The following SCN9A variants were observed in gnomAD, a reference collection of about 807,000 sequenced individuals.
SCN9A encodes the protein sodium voltage-gated channel alpha subunit 9.
Under a neutral mutation model 187.0 loss-of-function variants are expected in SCN9A, and 131 were observed. That is an observed-to-expected ratio of 0.70 (90% CI 0.61 to 0.81). The LOEUF (loss-of-function observed/expected upper bound fraction) is 0.81, where lower values mean the gene tolerates loss of function less well. SCN9A is among the 30% of genes least tolerant of loss of function. The pLI, the probability that SCN9A is intolerant of heterozygous loss-of-function variation, is 0.00. For synonymous variants in SCN9A, 809 were observed against 808.6 expected (o/e 1.00, Z -0.01); for missense variants, 2,252 against 2,396.6 (o/e 0.94, Z 1.26).
chr2:166,322,501 C>T (rs1455624967), intron 1 of SCN9A, among the ~76,000 whole-genome samples: 2 of 152,102 alleles, frequency 1.3e-5, no homozygotes, highest in African/African-American at 2.4e-5. Flanking sequence ...AATCATGCTC[C>T]GAAGAGTGGT....
intron 1 of SCN9A, among the ~76,000 whole-genome samples, chr2:166,366,813 C>G (rs920785762): frequency 1.1e-4 from 17 of 152,124 alleles, no homozygotes; most frequent in African/African-American, 3.9e-4. Context: ...CCAAATTTCC[C>G]ATGGTTTTTA....
At chr2:166,326,929 A>G (rs565682322) in intron 1 of SCN9A, among the ~76,000 whole-genome samples, 6 of 152,292 alleles carry the variant, frequency 3.9e-5, no homozygotes, top group African/African-American at 1.4e-4. Context: ...TCTTGACTTC[A>G]GGCTGAAGAC....
chr2:166,293,049 T>A (rs1439727920), intron 9 of SCN9A, among the ~76,000 whole-genome samples, 182 bp downstream of exon 9: 1 of 152,112 alleles, frequency 6.6e-6, no homozygotes, highest in Non-Finnish European at 1.5e-5. Context: ...AGAAAATTAT[T>A]TATGATTCGA....
At chr2:166,300,225 C>T (rs980289000) in intron 7 of SCN9A, among the ~76,000 whole-genome samples, 1 of 150,774 alleles carries the variant, frequency 6.6e-6, no homozygotes, top group Admixed American at 6.6e-5. Flanking sequence ...ATTTTTTCTG[C>T]TACTTTCTCT....
At chr2:166,204,582 T>C (rs1281872205) in intron 24 of SCN9A, 118 bp from the exon 25 acceptor site, 6 of 557,280 alleles carry the variant, frequency 1.1e-5, no homozygotes, top group Non-Finnish European at 1.8e-5. Context: ...TATTTTATTA[T>C]GTTCATGATA....
chr2:166,360,394 ACTT>A (rs912085181), intron 1 of SCN9A, among the ~76,000 whole-genome samples: 17 of 152,204 alleles, frequency 1.1e-4, no homozygotes, highest in Non-Finnish European at 2.5e-4. Context: ...GACAGAAAAT[ACTT>A]CTTAGTTCAC....
At chr2:166,263,932 T>C (rs1376009494) in intron 17 of SCN9A, among the ~76,000 whole-genome samples, 2 of 152,074 alleles carry the variant, frequency 1.3e-5, no homozygotes, top group African/African-American at 4.8e-5. Flanking sequence ...ATGGCCTTGC[T>C]CAGACCTTGA....
chr2:166,281,008 A>C (rs1433543683), intron 13 of SCN9A, among the ~76,000 whole-genome samples: 1 of 152,220 alleles, frequency 6.6e-6, no homozygotes, highest in East Asian at 1.9e-4. Flanking sequence ...CTCTTGCTGT[A>C]ATAGTTCACA....
intron 1 of SCN9A, among the ~76,000 whole-genome samples, chr2:166,356,403 C>G (rs1258971886): frequency 6.6e-6 from 1 of 152,084 alleles, no homozygotes; most frequent in Non-Finnish European, 1.5e-5. Flanking sequence ...TGATTATCAT[C>G]CTAAGCATCA....
At chr2:166,225,588 A>G (rs576320032) in intron 24 of SCN9A, among the ~76,000 whole-genome samples, 1 of 152,262 alleles carries the variant, frequency 6.6e-6, no homozygotes, top group South Asian at 2.1e-4. Flanking sequence ...TTTGTGATTG[A>G]TGTTATGGGT....
chr2:166,281,768 GA>G lies in SCN9A; in HGVS notation c.2014del (p.Ser672ProfsTer9). 1 of 1,612,964 alleles carries G rather than the reference GA, an allele frequency of 6.2e-7. No homozygotes were observed. Among genetic ancestry groups the G allele is most frequent in the Non-Finnish European group, 8.5e-7 (1 of 1,179,380 alleles). Reference protein sequence around the residue: ...NQIHKKRRCSSYLLSEDMLND... With the variant: ...NQIHKKRRCSXYLLSEDMLND... Reference sequence around the variant, plus strand: ...CAGCATATCCTCTGAAAGGAGATAGGAACTACAACGCCTTTTCTTGTGTATT... The same window carrying G: ...CAGCATATCCTCTGAAAGGAGATAGGACTACAACGCCTTTTCTTGTGTATT... On this transcript the variant is annotated frameshift_variant, in exon 13 of 27. Transcript: ENST00000642356. LOFTEE classifies it high-confidence loss of function.
rs574114536 is a variant in SCN9A, at chr2:166,221,663, G to T, written c.4398+4904C>A. Among the ~76,000 whole-genome samples, 10 of 152,258 alleles carry T rather than the reference G, an allele frequency of 6.6e-5. No homozygotes were observed. The South Asian group carries it at 1.7e-3, about 25-fold the overall frequency. On this transcript the variant is annotated intron_variant, in intron 24 of 26. Transcript: ENST00000642356. The stretch of plus-strand genomic sequence containing the variant: ...TCCTCCAGCCTTAGCCTCCCGAGTT[G>T]CTGGGATTATAAGCATGAGCCATTG...
Position 166,198,625 on chromosome 2 carries a change from A to G in SCN9A, c.*47T>C. ...TCCTCAAAAGAGTTTTATTAACACAAATAAATCACTTTCACAGGCTGTAAA... is the reference window on the plus strand; with the variant it reads ...TCCTCAAAAGAGTTTTATTAACACAGATAAATCACTTTCACAGGCTGTAAA... On this transcript the variant is annotated 3_prime_UTR_variant, in exon 27 of 27. Coordinates refer to ENST00000642356, the MANE Select transcript of SCN9A (RefSeq NM_001365536.1). The G allele has an allele frequency of 7.2e-7, 1 of 1,387,524 alleles. No individual in the cohort carries two copies. Among genetic ancestry groups the G allele is most frequent in the Middle Eastern group, 1.9e-4 (1 of 5,374 alleles). 86.0% of individuals were successfully genotyped at this position (1,387,524 alleles called of 1,614,324 possible).
intron 20 of SCN9A, among the ~76,000 whole-genome samples, chr2:166,235,130 T>C (rs1695259081): frequency 6.6e-6 from 1 of 152,124 alleles, no homozygotes; most frequent in Non-Finnish European, 1.5e-5. Flanking sequence ...ATTGAATACT[T>C]TAACCAGTCT....
intron 7 of SCN9A, among the ~76,000 whole-genome samples, chr2:166,299,978 G>A (rs936218952): frequency 5.3e-5 from 8 of 150,640 alleles, no homozygotes; most frequent in African/African-American, 2.0e-4. Context: ...TACAGACTTT[G>A]TATGTTGAGC....
chr2:166,277,872 A>C (rs1176449303), intron 15 of SCN9A: 1 of 319,994 alleles, frequency 3.1e-6, no homozygotes, highest in Non-Finnish European at 5.5e-6. Context: ...CTCTGAAATA[A>C]ATTATTGTAC....
intron 7 of SCN9A, among the ~76,000 whole-genome samples, chr2:166,297,006 G>A (rs1017206100): frequency 5.9e-5 from 9 of 151,526 alleles, no homozygotes; most frequent in Non-Finnish European, 8.9e-5. Context: ...GACCATCCTG[G>A]CTAACACAAT....
intron 20 of SCN9A, among the ~76,000 whole-genome samples, chr2:166,234,344 G>A (rs1195620645): frequency 1.3e-5 from 2 of 152,150 alleles, no homozygotes; most frequent in Admixed American, 6.5e-5. Context: ...AGGAGACGAT[G>A]TCTAAGAAAA....
Position 166,293,253 on chromosome 2 carries a change from T to C in SCN9A, c.1085A>G (p.Tyr362Cys), listed in dbSNP as rs1361635396. Residue 362 changes from tyrosine to cysteine, a missense_variant, in exon 9 of 27, where the codon TAC (tyrosine) becomes TGC (cysteine). Physicochemically the swap from Tyr to Cys is radical, Grantham distance 194. This residue lies in a region of SCN9A where 1,013 missense variants were observed against 997.4 expected (regional missense o/e 1.02). Coordinates refer to ENST00000642356, the MANE Select transcript of SCN9A (RefSeq NM_001365536.1). Reference sequence around the variant, plus strand: ...CACCTGTTGGTAAAGGTTTTCCCAGTAATCTTGGGTCATTAGCCTAAACAA... The same window carrying C: ...CACCTGTTGGTAAAGGTTTTCCCAGCAATCTTGGGTCATTAGCCTAAACAA... ...LALFRLMTQD[Y>C]WENLYQQTLR... 1.0e-5 allele frequency: 16 copies of C among 1,586,880 alleles called. No homozygotes were observed. The highest frequency in any genetic ancestry group is 8.9e-5 in the Admixed American group (5 of 55,956).
Sources: gnomAD v4.1 joint callset for allele counts (sites outside exome capture counted in the v4.1 genomes callset) on GRCh38, gnomAD v4.1.1 for gene constraint, gnomAD v4.1.1 regional missense constraint, MANE v1.5 for transcripts, NCBI Gene and HGNC (gene_info 2026-07-23, HGNC 2026-07-21) for gene names.